The following BPIFB1 variants were observed in gnomAD, a reference collection of about 807,000 sequenced individuals.
BPIFB1 encodes the protein BPI fold containing family B member 1, also known as BPI fold-containing family B member 1.
BPIFB1 carries 34 observed loss-of-function variants against 55.1 expected under a neutral mutation model. The observed-to-expected ratio is 0.62, with a 90% confidence interval of 0.47 to 0.82. The LOEUF is 0.82. Ranked by LOEUF, BPIFB1 falls within the 40% of genes least tolerant of loss-of-function variation. The probability of loss-of-function intolerance (pLI) is 0.00; values close to 1 mark genes in which losing one functional copy is unlikely to be tolerated. For synonymous variants in BPIFB1, 236 were observed against 245.3 expected (o/e 0.96, Z 0.35); for missense variants, 532 against 593.1 (o/e 0.90, Z 1.07).
At chr20:33,304,756 T>C in intron 12 of BPIFB1, 90 bp from the exon 13 acceptor site, 3 of 1,489,968 alleles carry the variant, frequency 2.0e-6, no homozygotes, top group Non-Finnish European at 2.8e-6. Context: ...GCCTGGCACA[T>C]AATAGGTGCT....
At chr20:33,297,005 C>A (rs1438323195) in intron 6 of BPIFB1, among the ~76,000 whole-genome samples, 1 of 152,236 alleles carries the variant, frequency 6.6e-6, no homozygotes, top group Admixed American at 6.5e-5. Context: ...CTCACTGCAA[C>A]CTCCACCTCC....
chr20:33,302,793 G>C (rs992810026), intron 10 of BPIFB1, 123 bp from the exon 11 acceptor site: 1 of 1,084,424 alleles, frequency 9.2e-7, no homozygotes, highest in Non-Finnish European at 1.3e-6. Flanking sequence ...AGAAGGACAG[G>C]GTGGCTGGAA....
chr20:33,295,227 A>T (rs1288350240), intron 6 of BPIFB1, among the ~76,000 whole-genome samples: 1 of 151,450 alleles, frequency 6.6e-6, no homozygotes, highest in African/African-American at 2.4e-5. Context: ...AAAAAAAAAA[A>T]TTAAAAATAA....
At chr20:33,295,645 G>GAAGAGAGAAAGAAAGAAAGAAAGAAAGA (rs1980614533) in intron 6 of BPIFB1, among the ~76,000 whole-genome samples, 1 of 125,386 alleles carries the variant, frequency 8.0e-6, no homozygotes, top group African/African-American at 4.3e-5. Context: ...AAAGAGAGAA[G>GAAGAGAGAAAGAAAGAAAGAAAGAAAGA]AAGAAAGAAA....
In BPIFB1 at chr20:33,304,891, A is replaced by G. The variant is rs766733776; in HGVS notation, c.1254A>G (p.Gln418=). The change falls in exon 13 of 16, where the codon CAA becomes CAG. Residue 418 remains glutamine, a splice_region_variant and synonymous_variant. Coordinates refer to ENST00000253354, the MANE Select transcript of BPIFB1 (RefSeq NM_033197.3). ...QLMNSGIGWF[Q]PDVLKNIITE... is the part of the protein sequence containing the mutation. ...TGAACTCTGGGATTGGCTGGTTCCA[A>G]GTAAGTGTTAACAGGTGGTGCCTGA... The G allele has an allele frequency of 1.4e-5, 22 of 1,614,056 alleles. No individual in the cohort carries two copies. The Middle Eastern group carries it at 4.9e-4, about 36-fold the overall frequency.
At chr20:33,307,271 T>C (rs1348349180) in intron 15 of BPIFB1, 4 of 392,828 alleles carry the variant, frequency 1.0e-5, no homozygotes, top group Non-Finnish European at 1.9e-5. Context: ...GGGTCTTCTA[T>C]AGGCAAGCCA....
In BPIFB1 at chr20:33,290,825, G is replaced by A. The variant is rs1023236173; in HGVS notation, c.366-132G>A. The A allele has an allele frequency of 1.2e-5, 12 of 961,842 alleles. No homozygotes were observed. The Admixed American group carries it at 2.6e-4, about 21-fold the overall frequency. 59.6% of individuals were successfully genotyped at this position (961,842 alleles called of 1,614,324 possible). A position where few individuals can be genotyped will look rare whatever the true frequency, so the allele number is the denominator to read the frequency against. On this transcript the variant is annotated intron_variant, in intron 4 of 15. Coordinates refer to ENST00000253354, the MANE Select transcript of BPIFB1 (RefSeq NM_033197.3). ...CCTGGGACATGCTGGGGTGAAGTTG[G>A]GTGAAGATGAGGAGAAACCAGCAAA...
intron 3 of BPIFB1, among the ~76,000 whole-genome samples, chr20:33,289,559 T>C (rs1600662175): frequency 6.6e-6 from 1 of 151,676 alleles, no homozygotes; most frequent in Non-Finnish European, 1.5e-5. Context: ...GGCAAAGGCA[T>C]GGAGAAGTGA....
intron 8 of BPIFB1, among the ~76,000 whole-genome samples, chr20:33,300,436 G>C (rs755056268): frequency 1.3e-5 from 2 of 152,226 alleles, no homozygotes; most frequent in Non-Finnish European, 2.9e-5. Flanking sequence ...CCACTGAGGA[G>C]AGGATGAAAT....
intron 2 of BPIFB1, among the ~76,000 whole-genome samples, chr20:33,286,823 C>G (rs1980281193): frequency 6.6e-6 from 1 of 152,228 alleles, no homozygotes; most frequent in Non-Finnish European, 1.5e-5. Flanking sequence ...ATCCCTAACC[C>G]AACTGTGACA....
chr20:33,291,548 G>T (rs985290256), intron 5 of BPIFB1, among the ~76,000 whole-genome samples: 1 of 152,242 alleles, frequency 6.6e-6, no homozygotes. Context: ...GCAGTGGTGA[G>T]AAAACTGATC....
intron 7 of BPIFB1, chr20:33,299,084 C>G (rs769762367): frequency 8.8e-6 from 4 of 454,670 alleles, no homozygotes; most frequent in South Asian, 6.2e-5. Flanking sequence ...ATGTGCTGCC[C>G]TGGCGGGCAC....
Position 33,299,992 on chromosome 20 carries a change from T to C in BPIFB1, c.747+8T>C. On this transcript the variant is annotated splice_region_variant and intron_variant, in intron 8 of 15. Transcript: ENST00000253354. Reference sequence around the variant, plus strand: ...ATTCAGCTCTACCTGGGGGTGAGTGTCCCAGGACCTTGAGGGTGAAGTGGG... The same window carrying C: ...ATTCAGCTCTACCTGGGGGTGAGTGCCCCAGGACCTTGAGGGTGAAGTGGG... 1 of 1,611,510 alleles carries C rather than the reference T, an allele frequency of 6.2e-7. No individual in the cohort carries two copies. The highest frequency in any genetic ancestry group is 2.2e-5 in the East Asian group (1 of 44,862).
At chr20:33,302,578 G>A (rs908097614) in intron 10 of BPIFB1, 166 bp downstream of exon 10, 12 of 749,426 alleles carry the variant, frequency 1.6e-5, no homozygotes, top group Admixed American at 2.1e-5. Context: ...AGTTTGACCT[G>A]AAGCAAATCA....
rs750058943 is a variant in BPIFB1, at chr20:33,306,934, G to A, written c.1342G>A (p.Val448Met). The change falls in exon 15 of 16, where the codon GTG (valine) becomes ATG (methionine). Residue 448 changes from valine (V) to methionine (M), a missense_variant. Coordinates refer to ENST00000253354, the MANE Select transcript of BPIFB1 (RefSeq NM_033197.3). ...AGGCAAATTAAGATCTGGGGTCCCA[G>A]TGTCATTGGTGAAGGCCTTGGGATT... Reference protein sequence around the residue: ...QNGKLRSGVPVSLVKALGFEA... With the variant: ...QNGKLRSGVPMSLVKALGFEA... 4 of 1,614,052 alleles carry A rather than the reference G, an allele frequency of 2.5e-6. No homozygotes were observed. Among genetic ancestry groups the A allele is most frequent in the Admixed American group, 3.3e-5 (2 of 60,010 alleles).
chr20:33,303,876 C>T, intron 11 of BPIFB1, 82 bp from the exon 12 acceptor site: 2 of 1,414,530 alleles, frequency 1.4e-6, no homozygotes, highest in South Asian at 2.4e-5. Context: ...GAGATTCAGA[C>T]CCCAGAGCCT....
intron 14 of BPIFB1, 31 bp from the exon 15 acceptor site, chr20:33,306,880 C>T (rs1441657523): frequency 6.3e-7 from 1 of 1,591,126 alleles, no homozygotes. Context: ...ACCCCAGGCC[C>T]ATCAGTTTCT....
At chr20:33,288,078 G>A (rs1393080325) in intron 2 of BPIFB1, among the ~76,000 whole-genome samples, 1 of 152,166 alleles carries the variant, frequency 6.6e-6, no homozygotes, top group Admixed American at 6.5e-5. Context: ...CCTGCCTGAG[G>A]GGTGAGGGAG....
At position 33,309,254 on chromosome 20, in the gene BPIFB1, C is replaced by T. The variant is rs1422091302; in HGVS notation, c.1396-454C>T. Among the ~76,000 whole-genome samples, 1 of 152,168 alleles carries T rather than the reference C, an allele frequency of 6.6e-6. No individual in the cohort carries two copies. The highest frequency in any genetic ancestry group is 1.5e-5 in the Non-Finnish European group (1 of 68,034). ...CCCCTCTAGAGTGGAGCCAAAACTTCAAGAAGGCAGGGGTTTCTGTCTGCT... is the reference window on the plus strand; with the variant it reads ...CCCCTCTAGAGTGGAGCCAAAACTTTAAGAAGGCAGGGGTTTCTGTCTGCT... On this transcript the variant is annotated intron_variant, in intron 15 of 15. Transcript: ENST00000253354. The surrounding 1 kb of genome is among the most constrained non-coding windows in gnomAD (Gnocchi z 4.4).
Sources: allele counts gnomAD v4.1 joint callset (sites outside exome capture counted in the v4.1 genomes callset), GRCh38; gene constraint gnomAD v4.1.1; non-coding constraint Gnocchi (gnomAD v3.1); transcripts MANE v1.5; gene names NCBI Gene and HGNC (gene_info 2026-07-23, HGNC 2026-07-21).